Variants in FAM81A observed in about 807,000 individuals in gnomAD.
FAM81A encodes protein FAM81A.
A neutral mutation model predicts 46.7 loss-of-function variants in FAM81A; 19 were observed. The observed-to-expected ratio is 0.41, with a 90% confidence interval of 0.28 to 0.60. FAM81A has a LOEUF of 0.60. Ranked by LOEUF, FAM81A falls within the 20% of genes least tolerant of loss-of-function variation. The pLI is 0.34. For missense variants in FAM81A, 377 were observed against 453.5 expected, an observed-to-expected ratio of 0.83 and a Z score of 1.53; for synonymous variants, 183 against 152.9, an observed-to-expected ratio of 1.20 and a Z score of -1.45.
chr15:59,407,017 G>A, intron 2 of FAM81A: 1 of 167,292 alleles, frequency 6.0e-6, no homozygotes, highest in East Asian at 1.4e-4. Flanking sequence ...TTGGCAATGA[G>A]AGCCACAGAC....
intron 4 of FAM81A, among the ~76,000 whole-genome samples, chr15:59,498,894 A>T (rs1233378706): frequency 1.3e-5 from 2 of 152,132 alleles, no homozygotes; most frequent in Admixed American, 6.5e-5. Context: ...ACCTCAAGTG[A>T]TCCACCTGCC....
intron 1 of FAM81A, chr15:59,401,621 TG>T: frequency 2.2e-6 from 2 of 913,730 alleles, no homozygotes; most frequent in Non-Finnish European, 3.6e-6. Context: ...TGTTTCTCCC[TG>T]GGCACATACT....
chr15:59,494,729 G>A (rs1248211672), intron 4 of FAM81A, among the ~76,000 whole-genome samples: 1 of 152,128 alleles, frequency 6.6e-6, no homozygotes, highest in Non-Finnish European at 1.5e-5. Flanking sequence ...GCTTTCTTGT[G>A]TTGATTATGT....
intron 1 of FAM81A, among the ~76,000 whole-genome samples, chr15:59,456,435 C>G (rs1596485189): frequency 6.6e-6 from 1 of 152,106 alleles, no homozygotes; most frequent in East Asian, 1.9e-4. Flanking sequence ...GTGGAACAAT[C>G]TCTCCATCCC....
chr15:59,492,156 A>C (rs2081988108), intron 3 of FAM81A, 115 bp from the exon 4 acceptor site: 2 of 705,890 alleles, frequency 2.8e-6, no homozygotes, highest in Admixed American at 2.4e-5. Context: ...GTTGAAAAGG[A>C]GTCTCTTATG....
At chr15:59,419,233 CA>C (rs1474424666) in intron 2 of FAM81A, among the ~76,000 whole-genome samples, 14 of 152,202 alleles carry the variant, frequency 9.2e-5, no homozygotes, top group Non-Finnish European at 1.5e-5. Context: ...TTACAAAAAC[CA>C]TCTCATTTAA....
chr15:59,499,748 C>A (rs914308019), intron 4 of FAM81A, among the ~76,000 whole-genome samples: 4 of 151,862 alleles, frequency 2.6e-5, no homozygotes, highest in African/African-American at 9.7e-5. Context: ...GCCTTGTGGT[C>A]TCAATTATTT....
At chr15:59,487,516 A>G (rs8028232) in intron 3 of FAM81A, among the ~76,000 whole-genome samples, 9,851 of 151,878 alleles carry the variant, frequency 0.065, 339 homozygotes, top group African/African-American at 0.074. Context: ...CTTTAGCTAG[A>G]CTAAGAAAAA....
At chr15:59,449,176 T>G (rs11071446) in intron 1 of FAM81A, among the ~76,000 whole-genome samples, 2 of 152,162 alleles carry the variant, frequency 1.3e-5, no homozygotes, top group Non-Finnish European at 2.9e-5. Context: ...CCTAGAATGC[T>G]TAGGGCAAGA....
chr15:59,448,918 G>C (rs1384118938), intron 1 of FAM81A, among the ~76,000 whole-genome samples: 1 of 152,130 alleles, frequency 6.6e-6, no homozygotes, highest in African/African-American at 2.4e-5. Flanking sequence ...TCCTACTTCA[G>C]CCTCTAAAAA....
At chr15:59,502,211 T>A (rs2082099225) in intron 4 of FAM81A, among the ~76,000 whole-genome samples, 1 of 151,592 alleles carries the variant, frequency 6.6e-6, no homozygotes, top group Non-Finnish European at 1.5e-5. Context: ...CTTTAAGTTT[T>A]AGGGTACATG....
chr15:59,453,571 C>A (rs75047184), intron 1 of FAM81A, among the ~76,000 whole-genome samples: 5 of 152,084 alleles, frequency 3.3e-5, no homozygotes, highest in Admixed American at 3.3e-4. Flanking sequence ...ATCCTACCAC[C>A]ATGTTTTCTA....
At chr15:59,446,976 A>G (rs2081360367) in intron 1 of FAM81A, among the ~76,000 whole-genome samples, 1 of 152,242 alleles carries the variant, frequency 6.6e-6, no homozygotes, top group African/African-American at 2.4e-5. Context: ...TGTTATTGTC[A>G]TTCACTGGTT....
intron 8 of FAM81A, among the ~76,000 whole-genome samples, chr15:59,518,641 G>A (rs1334271514): frequency 2.0e-5 from 3 of 151,978 alleles, no homozygotes; most frequent in Non-Finnish European, 4.4e-5. Flanking sequence ...TATTATTTCA[G>A]TGTATATATC....
At chr15:59,436,167 C>A (rs573285062), upstream of FAM81A, among the ~76,000 whole-genome samples, 13 of 152,278 alleles carry the variant, frequency 8.5e-5, 1 homozygote, top group Admixed American at 4.6e-4. Context: ...ATAGAAGGTG[C>A]CTACATATGG....
intron 2 of FAM81A, chr15:59,408,214 T>C (rs1425769175): frequency 2.0e-5 from 3 of 152,572 alleles, no homozygotes; most frequent in Non-Finnish European, 2.9e-5. Flanking sequence ...ATTCCAGGCT[T>C]CTGAGGACAG....
At chr15:59,399,870 C>T (rs2140460912) in intron 1 of FAM81A, among the ~76,000 whole-genome samples, 1 of 152,134 alleles carries the variant, frequency 6.6e-6, no homozygotes, top group South Asian at 2.1e-4. Flanking sequence ...ATGCCATAGC[C>T]TTGTTAAGAA....
chr15:59,463,899 A>G (rs1389850378), intron 3 of FAM81A, among the ~76,000 whole-genome samples: 1 of 152,146 alleles, frequency 6.6e-6, no homozygotes, highest in African/African-American at 2.4e-5. Context: ...ATGTTTCAAT[A>G]CATCTAATAT....
chr15:59,507,185 G>T, intron 4 of FAM81A, 28 bp from the exon 5 acceptor site: 1 of 1,596,452 alleles, frequency 6.3e-7, no homozygotes, highest in South Asian at 1.1e-5. Context: ...ACTTTAATAA[G>T]AATCAGCTTT....
Sources: gnomAD v4.1 joint callset for allele counts (sites outside exome capture counted in the v4.1 genomes callset) on GRCh38, gnomAD v4.1.1 for gene constraint, MANE v1.5 for transcripts, NCBI Gene and HGNC (gene_info 2026-07-23, HGNC 2026-07-21) for gene names.